RBP4: variants seen among roughly 807,000 people sequenced by gnomAD.
RBP4 encodes retinol binding protein 4, also known as retinol-binding protein 4.
Under a neutral mutation model 26.2 loss-of-function variants are expected in RBP4, and 9 were observed. That is an observed-to-expected ratio of 0.34 (90% CI 0.21 to 0.60). The LOEUF (loss-of-function observed/expected upper bound fraction) is 0.60, where lower values mean the gene tolerates loss of function less well. Among genes scored for constraint, RBP4 ranks in the 20% least tolerant of loss-of-function variants. The probability of loss-of-function intolerance (pLI) is 0.80; values close to 1 mark genes in which losing one functional copy is unlikely to be tolerated. For synonymous variants in RBP4, 114 were observed against 111.0 expected (o/e 1.03, Z -0.17); for missense variants, 244 against 271.3 (o/e 0.90, Z 0.71).
At position 93,600,942 on chromosome 10, in the gene RBP4, G is replaced by T. The variant is rs1223768152; in HGVS notation, c.87C>A (p.Val29=). 14 of 1,612,494 alleles carry T rather than the reference G, an allele frequency of 8.7e-6. No homozygotes were observed. Among genetic ancestry groups the T allele is most frequent in the Non-Finnish European group, 1.1e-5 (13 of 1,179,762 alleles). ...ERDCRVSSFR[V]KENFDKARFS... Reference sequence around the variant, plus strand: ...CGCGAGCCTTGTCGAAGTTCTCCTTGACTCGGAAGCTGCTCACTCGGCAGT... The same window carrying T: ...CGCGAGCCTTGTCGAAGTTCTCCTTTACTCGGAAGCTGCTCACTCGGCAGT... Residue 29 remains valine (V), a synonymous_variant, in exon 2 of 6, where the codon GTC becomes GTA. Transcript: ENST00000371464.
At position 93,593,830 on chromosome 10, in the gene RBP4, G is replaced by A; in HGVS notation, c.561C>T (p.Val187=). 1 of 1,611,702 alleles carries A rather than the reference G, an allele frequency of 6.2e-7. No homozygotes were observed. Among genetic ancestry groups the A allele is most frequent in the Non-Finnish European group, 8.5e-7 (1 of 1,179,856 alleles). Residue 187 remains valine (V), a synonymous_variant, in exon 5 of 6, where the codon GTC becomes GTT. Transcript: ENST00000371464. The part of the protein sequence containing the change: ...LCLARQYRLI[V]HNGYCDGRSE... ...ACCCTGCTCCTGACTCACCGTTGTG[G>A]ACGATCAGCCTGTACTGCCTGGCCA... is the stretch of plus-strand genomic sequence containing the variant.
rs369378480 is a variant in RBP4, at chr10:93,593,893, C to T, written c.498G>A (p.Ala166=). Residue 166 remains alanine, a synonymous_variant, in exon 5 of 6, where the codon GCG becomes GCA. Coordinates refer to ENST00000371464, the MANE Select transcript of RBP4 (RefSeq NM_006744.4). Reference sequence around the variant, plus strand: ...CCTGCCGCTGCCTTACAATCTTCTGCGCTTCTGGGGGCAGGCCGTTGGGGT... The same window carrying T: ...CCTGCCGCTGCCTTACAATCTTCTGTGCTTCTGGGGGCAGGCCGTTGGGGT... ...SRDPNGLPPE[A]QKIVRQRQEE... 28 of 1,613,622 alleles carry T rather than the reference C, an allele frequency of 1.7e-5. No homozygotes were observed. The highest frequency in any genetic ancestry group is 4.5e-5 in the East Asian group (2 of 44,888).
upstream of RBP4, chr10:93,601,686 C>T (rs2058340734): frequency 1.3e-6 from 1 of 779,092 alleles, no homozygotes; most frequent in Non-Finnish European, 2.4e-6. Context: ...CTTCTGAGGT[C>T]CACTTGTGCA....
At position 93,601,004 on chromosome 10, in the gene RBP4, G is replaced by A. The variant is rs1343319660; in HGVS notation, c.25C>T (p.Leu9=). ...CGGCCGCTGCCCAGCGCCGCCAACA[G>A]CAAGAGCGCCCACACCCACTTCATC... is the stretch of plus-strand genomic sequence containing the variant. MKWVWALL[L]LAALGSGRAE... is the part of the protein sequence containing the mutation. Residue 9 remains leucine, a synonymous_variant, in exon 2 of 6, where the codon CTG becomes TTG. Coordinates refer to ENST00000371464, the MANE Select transcript of RBP4 (RefSeq NM_006744.4). The A allele has an allele frequency of 1.9e-6, 3 of 1,611,826 alleles. No homozygotes were observed. Among genetic ancestry groups the A allele is most frequent in the South Asian group, 1.1e-5 (1 of 91,070 alleles).
chr10:93,598,282 C>T (rs532309532), intron 4 of RBP4, among the ~76,000 whole-genome samples: 3 of 152,336 alleles, frequency 2.0e-5, no homozygotes, highest in South Asian at 4.1e-4. Context: ...GTTCTGAGTG[C>T]TTTCTGCCTG....
chr10:93,600,742 T>C lies in RBP4; in HGVS notation c.173A>G (p.Asn58Ser), dbSNP rs2058331616. 1.2e-6 allele frequency: 2 copies of C among 1,611,422 alleles called. No homozygotes were observed. The highest frequency in any genetic ancestry group is 2.7e-5 in the African/African-American group (2 of 74,874). Reference sequence around the variant, plus strand: ...GTCCACGGAGAACTCCGCGACGATGTTGTCCTGCAGAAAGAGGCCCTCGGG... The same window carrying C: ...GTCCACGGAGAACTCCGCGACGATGCTGTCCTGCAGAAAGAGGCCCTCGGG... ...KDPEGLFLQDNIVAEFSVDET... is the reference protein window; with the variant it reads ...KDPEGLFLQDSIVAEFSVDET... The change falls in exon 3 of 6, where the codon AAC (asparagine) becomes AGC (serine). Residue 58 changes from asparagine (N) to serine (S), a missense_variant. Coordinates refer to ENST00000371464, the MANE Select transcript of RBP4 (RefSeq NM_006744.4).
Position 93,598,687 on chromosome 10 carries a change from C to G in RBP4, c.355+1706G>C, listed in dbSNP as rs2058316667. Among the ~76,000 whole-genome samples the G allele has an allele frequency of 2.0e-5, 3 of 152,304 alleles. No homozygotes were observed. In the South Asian group the frequency reaches 6.2e-4, roughly 32 times the overall value. On this transcript the variant is annotated intron_variant, in intron 4 of 5. Transcript: ENST00000371464. ...GGGAGGAGGCAAGAAACAAAATGCT[C>G]CCTTCTCATTGGGTCCTCTCTGACC...
chr10:93,601,121 C>T (rs2058335966), intron 1 of RBP4, 50 bp downstream of exon 1: 1 of 1,518,646 alleles, frequency 6.6e-7, no homozygotes, highest in Non-Finnish European at 8.8e-7. Flanking sequence ...CCACCCCACC[C>T]CACCCCGGCC....
At chr10:93,601,422 C>G (rs889871702), upstream of RBP4, 9 of 1,288,194 alleles carry the variant, frequency 7.0e-6, no homozygotes, top group South Asian at 2.0e-5. Flanking sequence ...CAGCCTCGGG[C>G]ACAGTGGAGC....
intron 5 of RBP4, 111 bp downstream of exon 5, chr10:93,593,712 C>G (rs894514693): frequency 2.4e-6 from 3 of 1,272,062 alleles, no homozygotes; most frequent in African/African-American, 2.9e-5. Context: ...TCCCAAGAAC[C>G]CCTGTTTTCT....
chr10:93,597,844 C>A (rs1195662010), intron 4 of RBP4, among the ~76,000 whole-genome samples: 3 of 152,122 alleles, frequency 2.0e-5, no homozygotes, highest in Non-Finnish European at 4.4e-5. Flanking sequence ...CTTGGAGTGG[C>A]CTTCAAATCC....
Position 93,591,725 on chromosome 10 carries a change from T to A in RBP4, c.*350A>T. 1 of 245,476 alleles carries A rather than the reference T, an allele frequency of 4.1e-6. No individual in the cohort carries two copies. Among genetic ancestry groups the A allele is most frequent in the Non-Finnish European group, 7.9e-6 (1 of 126,262 alleles). 15.2% of individuals were successfully genotyped at this position (245,476 alleles called of 1,614,324 possible). On this transcript the variant is annotated 3_prime_UTR_variant, in exon 6 of 6. Transcript: ENST00000371464. ...GAAGCCAGTATTTAATAATGGAGAT[T>A]AGGCACTAGAACAGGCCAAAGGTCA...
chr10:93,600,313 T>C (rs546609913), intron 4 of RBP4, 80 bp downstream of exon 4: 1 of 1,193,942 alleles, frequency 8.4e-7, no homozygotes, highest in Non-Finnish European at 1.3e-6. Flanking sequence ...TAAGGGTAGG[T>C]ACCTCTGGAG....
At chr10:93,594,061 G>T in intron 4 of RBP4, 26 bp from the exon 5 acceptor site, 1 of 1,605,968 alleles carries the variant, frequency 6.2e-7, no homozygotes, top group Non-Finnish European at 8.5e-7. Flanking sequence ...CCACCATGCC[G>T]ATCAATGCCT....
In RBP4 at chr10:93,601,021, C is replaced by A; in HGVS notation, c.8G>T (p.Trp3Leu). The A allele has an allele frequency of 6.2e-7, 1 of 1,611,120 alleles. No individual in the cohort carries two copies. The highest frequency in any genetic ancestry group is 8.5e-7 in the Non-Finnish European group (1 of 1,179,680). ...CGCCAACAGCAAGAGCGCCCACACC[C>A]ACTTCATCTTGCCCAGGAATCCGCC... is the stretch of plus-strand genomic sequence containing the variant. The part of the protein sequence containing the change: MK[W>L]VWALLLLAAL... Residue 3 changes from tryptophan to leucine, a missense_variant, in exon 2 of 6, where the codon TGG (tryptophan) becomes TTG (leucine). Trp to Leu is a moderately conservative substitution (Grantham distance 61). Transcript: ENST00000371464.
intron 4 of RBP4, among the ~76,000 whole-genome samples, chr10:93,599,326 G>A (rs1342503929): frequency 1.3e-5 from 2 of 152,024 alleles, no homozygotes; most frequent in Non-Finnish European, 2.9e-5. Flanking sequence ...CACAACTTTA[G>A]AGGAAGTCCA....
upstream of RBP4, chr10:93,601,736 A>G: frequency 1.3e-6 from 1 of 776,332 alleles, no homozygotes; most frequent in Non-Finnish European, 2.4e-6. Context: ...TTTTCATTTT[A>G]TAAAGGATGT....
At chr10:93,593,611 A>G (rs1161317245) in intron 5 of RBP4, among the ~76,000 whole-genome samples, 1 of 152,220 alleles carries the variant, frequency 6.6e-6, no homozygotes, top group African/African-American at 2.4e-5. Context: ...TGAACTGGAC[A>G]AAGGCCTTTA....
rs550290929 is a variant in RBP4, at chr10:93,594,112, G to A, written c.356-77C>T. On this transcript the variant is annotated intron_variant, in intron 4 of 5. Coordinates refer to ENST00000371464, the MANE Select transcript of RBP4 (RefSeq NM_006744.4). The stretch of plus-strand genomic sequence containing the variant: ...AGATGTCGGAGAAACTCACGACCAG[G>A]CCTGAGAACACAGTGACTTCCAGAA... 7.0e-5 allele frequency: 95 copies of A among 1,363,274 alleles called. No individual in the cohort carries two copies. In the African/African-American group the frequency reaches 1.2e-3, roughly 18 times the overall value. 84.4% of individuals were successfully genotyped at this position (1,363,274 alleles called of 1,614,324 possible).
Sources: gnomAD v4.1 joint callset for allele counts (sites outside exome capture counted in the v4.1 genomes callset) on GRCh38, gnomAD v4.1.1 for gene constraint, MANE v1.5 for transcripts, NCBI Gene and HGNC (gene_info 2026-07-23, HGNC 2026-07-21) for gene names.